HNRNPA1L2: variants seen among roughly 807,000 people sequenced by gnomAD.
HNRNPA1L2 encodes heterogeneous nuclear ribonucleoprotein A1 like 2, also known as heterogeneous nuclear ribonucleoprotein A1-like 2.
In HNRNPA1L2, 10 loss-of-function variants were observed where a neutral mutation model predicts 18.2. The ratio of observed to expected loss-of-function variants is 0.55; its 90% confidence interval spans 0.34 to 0.93. The LOEUF (loss-of-function observed/expected upper bound fraction) is 0.93. Ranked by LOEUF, HNRNPA1L2 falls within the 40% of genes least tolerant of loss-of-function variation. HNRNPA1L2 has a pLI of 0.02. For missense variants in HNRNPA1L2, 308 were observed against 394.4 expected (o/e 0.78, Z 1.85); for synonymous variants, 124 against 138.6 (o/e 0.89, Z 0.74).
At position 52,642,538 on chromosome 13, in the gene HNRNPA1L2, C is replaced by T. The variant is rs144879228; in HGVS notation, c.46C>T (p.Leu16Phe). Residue 16 changes from leucine (L) to phenylalanine (F), a missense_variant, in exon 1 of 1, where the codon CTC (leucine) becomes TTC (phenylalanine). Physicochemically the swap from Leu to Phe is conservative, Grantham distance 22 (BLOSUM62 0). Transcript: ENST00000357495. ...SPKEPEQLRK[L>F]FIGGLSFETT... is the part of the protein sequence containing the mutation. The stretch of plus-strand genomic sequence containing the variant: ...AAAAGAGCCCGAACAGCTGAGGAAG[C>T]TCTTCATTGGAGGGTTGAGCTTTGA... 385 of 1,611,950 alleles carry T rather than the reference C, an allele frequency of 2.4e-4. 1 individual carries two copies. The Middle Eastern group carries it at 5.4e-3, about 23-fold the overall frequency.
At chr13:52,633,857 C>G in the HNRNPA1L2 span, among the ~76,000 whole-genome samples, 2 of 152,090 alleles carry the variant, frequency 1.3e-5, no homozygotes, top group Non-Finnish European at 2.9e-5. Flanking sequence ...AGTTCCTGGG[C>G]CAGCCTCCAA....
the HNRNPA1L2 span, among the ~76,000 whole-genome samples, chr13:52,630,330 G>T: frequency 6.6e-6 from 1 of 152,164 alleles, no homozygotes; most frequent in Non-Finnish European, 1.5e-5. Flanking sequence ...AGGCTGGAGT[G>T]AAGTGGCACC....
At chr13:52,633,709 A>G in the HNRNPA1L2 span, among the ~76,000 whole-genome samples, 11 of 152,080 alleles carry the variant, frequency 7.2e-5, no homozygotes, top group African/African-American at 2.7e-4. Context: ...GCAACCTGGG[A>G]GGTTGAGGTG....
At chr13:52,632,903 C>T in the HNRNPA1L2 span, among the ~76,000 whole-genome samples, 1 of 152,186 alleles carries the variant, frequency 6.6e-6, no homozygotes, top group Non-Finnish European at 1.5e-5. Context: ...TCAGGGACAC[C>T]TGCTCCTCAG....
chr13:52,629,581 G>T, the HNRNPA1L2 span, among the ~76,000 whole-genome samples: 1 of 152,138 alleles, frequency 6.6e-6, no homozygotes, highest in East Asian at 1.9e-4. Context: ...ATCAAAATAG[G>T]CCATGCTTCA....
chr13:52,635,705 A>G, the HNRNPA1L2 span, among the ~76,000 whole-genome samples: 9 of 152,130 alleles, frequency 5.9e-5, no homozygotes, highest in Non-Finnish European at 1.2e-4. Context: ...GAAATCACAC[A>G]GTACGTACTC....
chr13:52,619,238 C>T, the HNRNPA1L2 span, among the ~76,000 whole-genome samples: 1 of 152,022 alleles, frequency 6.6e-6, no homozygotes, highest in Non-Finnish European at 1.5e-5. Flanking sequence ...GGTGATCGGC[C>T]CGCATTGGCC....
the HNRNPA1L2 span, among the ~76,000 whole-genome samples, chr13:52,627,277 T>C: frequency 6.6e-6 from 1 of 152,228 alleles, no homozygotes; most frequent in Non-Finnish European, 1.5e-5. Context: ...TGGTACCTAA[T>C]AGTTGAGAAT....
chr13:52,634,972 G>A, the HNRNPA1L2 span, among the ~76,000 whole-genome samples: 1 of 152,218 alleles, frequency 6.6e-6, no homozygotes, highest in Admixed American at 6.5e-5. Flanking sequence ...TGTAAAATAT[G>A]ATGATCCTAA....
chr13:52,627,186 T>A, the HNRNPA1L2 span, among the ~76,000 whole-genome samples: 1 of 152,218 alleles, frequency 6.6e-6, no homozygotes, highest in East Asian at 1.9e-4. Flanking sequence ...ATTCCACTAA[T>A]TTATAATTTT....
the HNRNPA1L2 span, among the ~76,000 whole-genome samples, chr13:52,629,789 G>A: frequency 5.3e-5 from 8 of 152,002 alleles, no homozygotes; most frequent in Admixed American, 5.2e-4. Flanking sequence ...CACCATCAAC[G>A]AAAAGAAAGA....
upstream of HNRNPA1L2, among the ~76,000 whole-genome samples, chr13:52,639,552 G>A (rs1403677265): frequency 6.6e-6 from 1 of 152,132 alleles, no homozygotes; most frequent in South Asian, 2.1e-4. Context: ...TTATTGAACA[G>A]TTCAGAGGGC....
At chr13:52,630,972 T>C in the HNRNPA1L2 span, among the ~76,000 whole-genome samples, 7 of 152,294 alleles carry the variant, frequency 4.6e-5, no homozygotes, top group Admixed American at 4.6e-4. Context: ...TTAGATTTGA[T>C]ATTTAATATT....
chr13:52,619,707 G>T, the HNRNPA1L2 span, among the ~76,000 whole-genome samples: 1 of 151,924 alleles, frequency 6.6e-6, no homozygotes, highest in Non-Finnish European at 1.5e-5. Context: ...GGATCACAAG[G>T]TAAGGAGATC....
rs772176321 is a variant in HNRNPA1L2, at chr13:52,642,857, G to A, written c.365G>A (p.Arg122Lys). The change falls in exon 1 of 1, where the codon AGA becomes AAA. Residue 122 changes from arginine to lysine, a missense_variant. Transcript: ENST00000357495. ...IKEDTEEHHL[R>K]DYFEQYGKIE... ...GAAGACACTGAAGAACATCACCTAA[G>A]AGATTATTTTGAACAGTATGGAAAA... 1.3e-6 allele frequency: 2 copies of A among 1,596,630 alleles called. No individual in the cohort carries two copies. Among genetic ancestry groups the A allele is most frequent in the Non-Finnish European group, 1.7e-6 (2 of 1,179,724 alleles).
chr13:52,630,077 T>C, the HNRNPA1L2 span, among the ~76,000 whole-genome samples: 2 of 152,140 alleles, frequency 1.3e-5, no homozygotes, highest in African/African-American at 2.4e-5. Flanking sequence ...AATGGTAGAT[T>C]ATTTGTGGCT....
chr13:52,642,798 A>G lies in HNRNPA1L2; in HGVS notation c.306A>G (p.Leu102=), dbSNP rs767558002. 2.5e-6 allele frequency: 4 copies of G among 1,596,474 alleles called. No individual in the cohort carries two copies. The highest frequency in any genetic ancestry group is 1.1e-5 in the South Asian group (1 of 90,984). ...ATTCTCAAAGACCAGGTGCCCACTTAACTGTGAAAAAGATATTTGTTGGTG... is the reference window on the plus strand; with the variant it reads ...ATTCTCAAAGACCAGGTGCCCACTTGACTGTGAAAAAGATATTTGTTGGTG... ...REDSQRPGAH[L]TVKKIFVGGI... Residue 102 remains leucine (L), a synonymous_variant, in exon 1 of 1, where the codon TTA becomes TTG. Transcript: ENST00000357495.
the HNRNPA1L2 span, among the ~76,000 whole-genome samples, chr13:52,632,675 T>C: frequency 6.6e-6 from 1 of 152,174 alleles, no homozygotes; most frequent in Admixed American, 6.5e-5. Context: ...TGGGAAGGCA[T>C]TGAGAGACCA....
upstream of HNRNPA1L2, chr13:52,640,930 A>G (rs577808702): frequency 2.0e-5 from 3 of 152,288 alleles, no homozygotes; most frequent in Admixed American, 2.0e-4. Flanking sequence ...CGTCCAATCA[A>G]TCATGCAGCC....
Sources: gnomAD v4.1 joint callset for allele counts (sites outside exome capture counted in the v4.1 genomes callset) on GRCh38, gnomAD v4.1.1 for gene constraint, MANE v1.5 for transcripts, NCBI Gene and HGNC (gene_info 2026-07-23, HGNC 2026-07-21) for gene names.